Variants in CHCHD3 observed in about 807,000 individuals in gnomAD.
The protein encoded by CHCHD3 is coiled-coil-helix-coiled-coil-helix domain containing 3, also known as MICOS complex subunit MIC19.
Under a neutral mutation model 38.2 loss-of-function variants are expected in CHCHD3, and 20 were observed. The ratio of observed to expected loss-of-function variants is 0.52; its 90% CI spans 0.37 to 0.76. CHCHD3 has a LOEUF of 0.76. CHCHD3 is among the 30% of genes least tolerant of loss of function. The pLI, the probability that CHCHD3 is intolerant of heterozygous loss-of-function variation, is 0.00. For synonymous variants in CHCHD3, 82 were observed against 100.0 expected (o/e 0.82, Z 1.07); for missense variants, 245 against 279.2 (o/e 0.88, Z 0.87).
chr7:132,887,616 C>T (rs1809249620), intron 4 of CHCHD3, among the ~76,000 whole-genome samples: 1 of 144,940 alleles, frequency 6.9e-6, no homozygotes, highest in Non-Finnish European at 1.5e-5. Flanking sequence ...CACTCCTCTC[C>T]CCACCGAAAA....
chr7:132,972,371 C>T (rs1396131345), intron 4 of CHCHD3, among the ~76,000 whole-genome samples: 1 of 151,992 alleles, frequency 6.6e-6, no homozygotes, highest in African/African-American at 2.4e-5. Flanking sequence ...GGAGAAATAC[C>T]GTTATACACA....
chr7:132,856,756 T>G (rs1455684140), intron 5 of CHCHD3, among the ~76,000 whole-genome samples: 2 of 152,212 alleles, frequency 1.3e-5, no homozygotes, highest in African/African-American at 2.4e-5. Context: ...GAATTGATCA[T>G]TTGTTTCCCT....
intron 3 of CHCHD3, among the ~76,000 whole-genome samples, chr7:133,013,130 A>T (rs1285756864): frequency 7.0e-6 from 1 of 143,186 alleles, no homozygotes; most frequent in Non-Finnish European, 1.5e-5. Context: ...AGGTTGCAGT[A>T]AGCTGAGATC....
chr7:132,972,810 A>C, intron 4 of CHCHD3: 1 of 985,390 alleles, frequency 1.0e-6, no homozygotes, highest in South Asian at 4.7e-5. Flanking sequence ...GAGTACTACA[A>C]TTTGTCATCT....
At chr7:133,002,406 A>G (rs892151646) in intron 3 of CHCHD3, among the ~76,000 whole-genome samples, 2 of 152,158 alleles carry the variant, frequency 1.3e-5, no homozygotes, top group African/African-American at 4.8e-5. Flanking sequence ...AGATCTCTCC[A>G]ACTCCAAAAG....
chr7:132,972,732 T>C (rs889594273), intron 4 of CHCHD3: 2 of 985,318 alleles, frequency 2.0e-6, no homozygotes, highest in African/African-American at 3.5e-5. Flanking sequence ...ATTCCACTTT[T>C]ATTCCCTAAG....
Position 132,926,612 on chromosome 7 carries a change from C to G in CHCHD3, c.370-40867G>C, listed in dbSNP as rs184809844. On this transcript the variant is annotated intron_variant, in intron 4 of 7. Transcript: ENST00000262570. ...AGCTGCACTTTTGATATATAGTCATCCCCTGGTATCTGCAGAGGATTGGTT... is the reference window on the plus strand; with the variant it reads ...AGCTGCACTTTTGATATATAGTCATGCCCTGGTATCTGCAGAGGATTGGTT... Among the ~76,000 whole-genome samples the G allele has an allele frequency of 8.6e-4, 131 of 152,220 alleles. 1 individual carries two copies. The highest frequency in any genetic ancestry group is 1.6e-3 in the Non-Finnish European group (110 of 68,024).
chr7:133,054,253 G>A (rs1219897937), intron 2 of CHCHD3, among the ~76,000 whole-genome samples: 1 of 152,114 alleles, frequency 6.6e-6, no homozygotes, highest in Non-Finnish European at 1.5e-5. Context: ...AAAATATACT[G>A]TCCAAATATA....
At chr7:132,818,485 A>G (rs1171799439) in intron 6 of CHCHD3, among the ~76,000 whole-genome samples, 2 of 152,184 alleles carry the variant, frequency 1.3e-5, no homozygotes, top group Non-Finnish European at 2.9e-5. Context: ...AATGCCTATA[A>G]TTAATATAGA....
rs890034803 is a variant in CHCHD3, at chr7:132,876,098, T to G, written c.453+9564A>C. 3.9e-5 allele frequency among the ~76,000 whole-genome samples: 6 copies of G among 152,224 alleles called. No individual in the cohort carries two copies. The East Asian group carries it at 1.2e-3, about 29-fold the overall frequency. Reference sequence around the variant, plus strand: ...TTTCCTTTAAAAAATTTAATATTCATGTACTTTAATTTTTCAGTCAGTAAA... The same window carrying G: ...TTTCCTTTAAAAAATTTAATATTCAGGTACTTTAATTTTTCAGTCAGTAAA... On this transcript the variant is annotated intron_variant, in intron 5 of 7. Coordinates refer to ENST00000262570, the MANE Select transcript of CHCHD3 (RefSeq NM_017812.4).
intron 4 of CHCHD3, among the ~76,000 whole-genome samples, chr7:132,964,656 A>C (rs1394405611): frequency 1.3e-5 from 2 of 152,182 alleles, no homozygotes. Flanking sequence ...AATTGCTACA[A>C]ACCAGGTCCT....
chr7:132,807,287 C>T (rs931188576), intron 6 of CHCHD3, among the ~76,000 whole-genome samples: 2 of 152,128 alleles, frequency 1.3e-5, no homozygotes, highest in African/African-American at 4.8e-5. Flanking sequence ...ACTCCAGGTC[C>T]TCTCTGCCCC....
chr7:132,819,054 A>C (rs1157011977), intron 6 of CHCHD3, among the ~76,000 whole-genome samples: 1 of 152,246 alleles, frequency 6.6e-6, no homozygotes, highest in Non-Finnish European at 1.5e-5. Context: ...TAATTTGCTG[A>C]ATGCATTTAT....
chr7:132,938,063 T>C (rs1050799847), intron 4 of CHCHD3, among the ~76,000 whole-genome samples: 27 of 152,194 alleles, frequency 1.8e-4, no homozygotes, highest in African/African-American at 6.5e-4. Context: ...CCCCAGCAAA[T>C]GCCTTCAACA....
At chr7:132,918,848 A>G (rs1319447900) in intron 4 of CHCHD3, among the ~76,000 whole-genome samples, 1 of 152,126 alleles carries the variant, frequency 6.6e-6, no homozygotes, top group Non-Finnish European at 1.5e-5. Flanking sequence ...CTACTGGCAA[A>G]TAGGTGAATA....
intron 3 of CHCHD3, among the ~76,000 whole-genome samples, chr7:133,008,776 C>T (rs10253995): frequency 0.37 from 55,543 of 151,720 alleles, 10,345 homozygotes; most frequent in Admixed American, 0.42. Context: ...GCCCTGGTAT[C>T]GATTTTAATA....
chr7:133,014,138 G>T (rs925363709), intron 3 of CHCHD3, among the ~76,000 whole-genome samples: 5 of 152,020 alleles, frequency 3.3e-5, no homozygotes, highest in Admixed American at 1.3e-4. Context: ...ATTTTTATGA[G>T]ATTTTTGTTT....
intron 2 of CHCHD3, among the ~76,000 whole-genome samples, chr7:133,059,186 A>C (rs999525759): frequency 6.6e-6 from 1 of 152,154 alleles, no homozygotes; most frequent in Non-Finnish European, 1.5e-5. Flanking sequence ...GACACGAGAA[A>C]AGCCACACAG....
intron 4 of CHCHD3, among the ~76,000 whole-genome samples, chr7:132,903,066 C>T (rs1190335565): frequency 1.3e-5 from 2 of 152,144 alleles, no homozygotes; most frequent in African/African-American, 4.8e-5. Context: ...CACTAGAAAG[C>T]CTCACTGCAC....
Sources: gnomAD v4.1 joint callset for allele counts (sites outside exome capture counted in the v4.1 genomes callset) on GRCh38, gnomAD v4.1.1 for gene constraint, MANE v1.5 for transcripts, NCBI Gene and HGNC (gene_info 2026-07-23, HGNC 2026-07-21) for gene names.